Variants in MYOM1 observed in about 807,000 individuals in gnomAD.
MYOM1 encodes the protein myomesin-1.
A neutral mutation model predicts 205.3 loss-of-function variants in MYOM1; 164 were observed. The observed-to-expected ratio is 0.80, with a 90% CI of 0.70 to 0.91. The LOEUF (loss-of-function observed/expected upper bound fraction) is 0.91. Ranked by LOEUF, MYOM1 falls within the 40% of genes least tolerant of loss-of-function variation. MYOM1 has a pLI of 0.00. For synonymous variants in MYOM1, 772 were observed against 789.4 expected (o/e 0.98, Z 0.37); for missense variants, 2,011 against 2,127.3 (o/e 0.95, Z 1.08).
upstream of MYOM1, among the ~76,000 whole-genome samples, chr18:3,220,994 A>G (rs970493088): frequency 6.6e-6 from 1 of 152,164 alleles, no homozygotes; most frequent in Non-Finnish European, 1.5e-5. Flanking sequence ...TATTACATCA[A>G]CTGAATAAAG....
intron 19 of MYOM1, among the ~76,000 whole-genome samples, chr18:3,122,132 G>A (rs1405059361): frequency 2.0e-5 from 3 of 149,990 alleles, no homozygotes; most frequent in African/African-American, 7.4e-5. Context: ...AAAAGAGAAA[G>A]AAACACAGAA....
chr18:3,135,292 G>A lies in MYOM1; in HGVS notation c.2209+255C>T, dbSNP rs1476597214. ...AGCAAAAAATTTTAAAACAGTTAGGGAGCATGGATAAACTAAATGTCCATG... is the reference window on the plus strand; with the variant it reads ...AGCAAAAAATTTTAAAACAGTTAGGAAGCATGGATAAACTAAATGTCCATG... On this transcript the variant is annotated intron_variant, in intron 15 of 37. Transcript: ENST00000356443. The surrounding 1 kb of genome is among the most constrained non-coding windows in gnomAD (Gnocchi z 4.1). The A allele has an allele frequency of 5.1e-6, 2 of 390,388 alleles. No homozygotes were observed. Among genetic ancestry groups the A allele is most frequent in the East Asian group, 9.2e-5 (2 of 21,656 alleles). The allele number at this position is 390,388 out of a possible 1,614,324, so 24.2% of individuals were successfully genotyped here. A position where few individuals can be genotyped will look rare whatever the true frequency, so the allele number is the denominator to read the frequency against.
intron 2 of MYOM1, among the ~76,000 whole-genome samples, chr18:3,204,604 A>G (rs540352586): frequency 6.6e-6 from 1 of 152,140 alleles, no homozygotes; most frequent in African/African-American, 2.4e-5. Flanking sequence ...TTTCATGTTC[A>G]TGGAATGGAA....
intron 2 of MYOM1, among the ~76,000 whole-genome samples, chr18:3,204,126 G>A (rs948806860): frequency 6.6e-6 from 1 of 151,358 alleles, no homozygotes; most frequent in African/African-American, 2.4e-5. Context: ...GGCCATCTAC[G>A]AAAAATCTAC....
At chr18:3,126,603 G>T in intron 19 of MYOM1, 98 bp downstream of exon 19, 2 of 1,046,478 alleles carry the variant, frequency 1.9e-6, no homozygotes, top group East Asian at 2.6e-5. Flanking sequence ...GAGAAATGAC[G>T]TGACTCTCTT....
At chr18:3,181,962 G>C (rs529002892) in intron 5 of MYOM1, among the ~76,000 whole-genome samples, 191 of 152,160 alleles carry the variant, frequency 1.3e-3, no homozygotes, top group African/African-American at 4.1e-3. Flanking sequence ...TCGAACTCTG[G>C]ACCTCAGGTA....
At chr18:3,119,742 C>A in intron 20 of MYOM1, 127 bp downstream of exon 20, 1 of 1,217,720 alleles carries the variant, frequency 8.2e-7, no homozygotes, top group Admixed American at 3.1e-5. Context: ...TAGGTAAACA[C>A]AAGGGGCCAA....
intron 29 of MYOM1, among the ~76,000 whole-genome samples, chr18:3,087,462 G>A (rs2079166849): frequency 6.6e-6 from 1 of 150,514 alleles, no homozygotes; most frequent in African/African-American, 2.4e-5. Context: ...AGGTCCCAGT[G>A]TGCAAGCTAG....
intron 12 of MYOM1, among the ~76,000 whole-genome samples, chr18:3,150,574 G>A (rs1056885918): frequency 6.6e-6 from 1 of 152,090 alleles, no homozygotes; most frequent in South Asian, 2.1e-4. Flanking sequence ...AACACCCCTA[G>A]CCACCTCCCA....
intron 14 of MYOM1, among the ~76,000 whole-genome samples, chr18:3,138,811 G>A (rs139969800): frequency 4.6e-5 from 7 of 152,260 alleles, no homozygotes; most frequent in Admixed American, 2.0e-4. Flanking sequence ...GATTGTCAAC[G>A]TTTTCCAGAG....
chr18:3,121,089 A>G (rs765887491), intron 19 of MYOM1, among the ~76,000 whole-genome samples: 82 of 152,218 alleles, frequency 5.4e-4, no homozygotes, highest in Non-Finnish European at 1.1e-3. Flanking sequence ...ATGTGGAAAG[A>G]CTCAAAAATG....
chr18:3,111,920 A>G (rs2079532849), intron 22 of MYOM1, among the ~76,000 whole-genome samples: 1 of 152,220 alleles, frequency 6.6e-6, no homozygotes, highest in Non-Finnish European at 1.5e-5. Context: ...TGTGCCCACT[A>G]GCTGGGCTGT....
chr18:3,131,620 T>C, intron 16 of MYOM1, 124 bp from the exon 17 acceptor site: 2 of 898,534 alleles, frequency 2.2e-6, no homozygotes, highest in Non-Finnish European at 3.3e-6. Flanking sequence ...TGATTTATTT[T>C]GAACAGAAAT....
At chr18:3,242,008 C>A in the MYOM1 span, among the ~76,000 whole-genome samples, 1 of 152,174 alleles carries the variant, frequency 6.6e-6, no homozygotes. Flanking sequence ...GCCTGTACCC[C>A]CCTTGTATCT....
Position 3,173,081 on chromosome 18 carries a change from A to C in MYOM1, c.1174+857T>G, listed in dbSNP as rs116129161. 7.6e-3 allele frequency among the ~76,000 whole-genome samples: 1,162 copies of C among 152,294 alleles called. 15 individuals are homozygous for C. Among genetic ancestry groups the C allele is most frequent in the African/African-American group, 0.026 (1,089 of 41,554 alleles). On this transcript the variant is annotated intron_variant, in intron 8 of 37. Coordinates refer to ENST00000356443, the MANE Select transcript of MYOM1 (RefSeq NM_003803.4). ...TGTTTGAAAACCAAATTAGGGCTTG[A>C]CTACCTTTTTTAGTCTGACCACTGT...
chr18:3,185,303 C>A (rs1361682702), intron 5 of MYOM1, among the ~76,000 whole-genome samples: 2 of 152,150 alleles, frequency 1.3e-5, no homozygotes, highest in Non-Finnish European at 2.9e-5. Flanking sequence ...GAATGTTTAT[C>A]TCCCAGAAGC....
At chr18:3,222,660 T>C (rs2081336803), upstream of MYOM1, among the ~76,000 whole-genome samples, 1 of 152,204 alleles carries the variant, frequency 6.6e-6, no homozygotes, top group Admixed American at 6.5e-5. Context: ...TTCTTCCTTC[T>C]AATGGACAGT....
At chr18:3,087,887 C>T (rs959376413) in intron 29 of MYOM1, among the ~76,000 whole-genome samples, 2 of 152,196 alleles carry the variant, frequency 1.3e-5, no homozygotes, top group African/African-American at 4.8e-5. Flanking sequence ...GCTGCGCATA[C>T]TCCATGAACT....
chr18:3,151,643 A>G, intron 12 of MYOM1, 51 bp downstream of exon 12: 1 of 1,492,942 alleles, frequency 6.7e-7, no homozygotes, highest in Non-Finnish European at 9.1e-7. Context: ...TGATTCTTGC[A>G]GTCATTTTAA....
Sources: allele counts gnomAD v4.1 joint callset (sites outside exome capture counted in the v4.1 genomes callset), GRCh38; gene constraint gnomAD v4.1.1; non-coding constraint Gnocchi (gnomAD v3.1); transcripts MANE v1.5; gene names NCBI Gene and HGNC (gene_info 2026-07-23, HGNC 2026-07-21).